NOL3: variants seen among roughly 807,000 people sequenced by gnomAD.
The protein encoded by NOL3 is nucleolar protein 3, also known as muscle-enriched cytoplasmic protein.
NOL3 carries 18 observed loss-of-function variants against 19.2 expected under a neutral mutation model. That is an observed-to-expected ratio of 0.94 (90% CI 0.65 to 1.39). NOL3 has a LOEUF of 1.39. NOL3 is among the 40% of genes most tolerant of loss of function. NOL3 has a pLI of 0.00. For missense variants in NOL3, 290 were observed against 289.5 expected, an observed-to-expected ratio of 1.00 and a Z score of -0.01; for synonymous variants, 127 against 137.3, an observed-to-expected ratio of 0.93 and a Z score of 0.52.
In NOL3 at chr16:67,170,787, A is replaced by G. The variant is rs371054447; in HGVS notation, c.-9+213A>G. Among the ~76,000 whole-genome samples the G allele has an allele frequency of 0.051, 6,888 of 134,606 alleles. 473 individuals are homozygous for G. The highest frequency in any genetic ancestry group is 0.21 in the African/African-American group (6,229 of 29,442). The allele number at this position is 134,606 out of a possible 152,430, so 88.3% of individuals were successfully genotyped here. The stretch of plus-strand genomic sequence containing the variant: ...GGAGGGAGGTAAGGGGCGGGGGGGG[A>G]AAATCCGTGCAGTCGCACATGCGCA... On this transcript the variant is annotated intron_variant, in intron 1 of 3. Transcript: ENST00000268605. This position sits in a 1 kb window ranked among gnomAD's most constrained non-coding sequence, Gnocchi z 5.7.
At position 67,175,355 on chromosome 16, in the gene NOL3, C is replaced by T; in HGVS notation, c.*301C>T. On this transcript the variant is annotated 3_prime_UTR_variant, in exon 4 of 4. Coordinates refer to ENST00000268605, the Ensembl canonical transcript of NOL3. ...AGGCTGCACCCTGGAGATCCCAAAC[C>T]TAGCCCCCTAGTGGGACAAGGACCT... 5 of 1,293,900 alleles carry T rather than the reference C, an allele frequency of 3.9e-6. No individual in the cohort carries two copies. In the South Asian group the frequency reaches 1.2e-4, roughly 32 times the overall value. 80.2% of individuals were successfully genotyped at this position (1,293,900 alleles called of 1,614,324 possible).
chr16:67,174,970 C>T (rs1288948496), intron 3 of NOL3, 26 bp downstream of exon 3: 2 of 1,608,806 alleles, frequency 1.2e-6, no homozygotes, highest in South Asian at 1.1e-5. Flanking sequence ...AACCCTGAGC[C>T]GGCTTGGCGG....
chr16:67,172,667 T>C (rs947316851), intron 1 of NOL3: 6 of 149,110 alleles, frequency 4.0e-5, no homozygotes, highest in Admixed American at 3.3e-4. Flanking sequence ...CCGCTGTTGG[T>C]AGAGATAGTC....
exon 2 of NOL3, chr16:67,174,353 C>T (rs1278707127): frequency 1.0e-5 from 16 of 1,587,332 alleles, no homozygotes; most frequent in African/African-American, 1.3e-5. Flanking sequence ...GCGCCGCCTA[C>T]TGCTGCTGGT....
chr16:67,173,005 C>T (rs1035399000), intron 1 of NOL3: 3 of 138,304 alleles, frequency 2.2e-5, no homozygotes, highest in East Asian at 2.1e-4. Flanking sequence ...AGGCTGGGCA[C>T]GAGAATCACT....
In NOL3 at chr16:67,170,874, G is replaced by T. The variant is rs1039863103; in HGVS notation, c.-9+300G>T. On this transcript the variant is annotated intron_variant, in intron 1 of 3. Transcript: ENST00000268605. The surrounding 1 kb of genome is among the most constrained non-coding windows in gnomAD (Gnocchi z 5.7). ...CCAAAGAGCCCGCGCAGCGAGGTGG[G>T]GTTGGGGGCTGGGACCCAGCTCCGT... is the stretch of plus-strand genomic sequence containing the variant. Among the ~76,000 whole-genome samples the T allele has an allele frequency of 3.9e-5, 6 of 152,232 alleles. No individual in the cohort carries two copies. The highest frequency in any genetic ancestry group is 7.3e-5 in the Non-Finnish European group (5 of 68,044).
At position 67,170,902 on chromosome 16, in the gene NOL3, C is replaced by T. The variant is rs2031711662; in HGVS notation, c.-9+328C>T. ...TGGGGGCTGGGACCCAGCTCCGTGC[C>T]CCGCCACCTGGCTCTCTGGGAAGAA... On this transcript the variant is annotated intron_variant, in intron 1 of 3. Coordinates refer to ENST00000268605, the Ensembl canonical transcript of NOL3. The surrounding 1 kb of genome is among the most constrained non-coding windows in gnomAD (Gnocchi z 5.7). Among the ~76,000 whole-genome samples, 1 of 152,258 alleles carries T rather than the reference C, an allele frequency of 6.6e-6. No individual in the cohort carries two copies. The highest frequency in any genetic ancestry group is 1.5e-5 in the Non-Finnish European group (1 of 68,048).
rs547594151 is a variant in NOL3, at chr16:67,174,242, G to A, written c.73G>A (p.Ala25Thr). The A allele has an allele frequency of 5.0e-5, 81 of 1,612,958 alleles. No individual in the cohort carries two copies. The East Asian group carries it at 1.4e-3, about 28-fold the overall frequency. ...GAAACGCCTGGTCGAGACGCTGCAGGCGGACTCGGGACTGCTGTTGGACGC... is the reference window on the plus strand; with the variant it reads ...GAAACGCCTGGTCGAGACGCTGCAGACGGACTCGGGACTGCTGTTGGACGC... Residue 25 changes from alanine to threonine, a missense_variant, in exon 2 of 4, where the codon GCG (alanine) becomes ACG (threonine). Coordinates refer to ENST00000268605, the Ensembl canonical transcript of NOL3.
chr16:67,171,849 C>G (rs1294624994), intron 1 of NOL3: 1 of 152,300 alleles, frequency 6.6e-6, no homozygotes, highest in African/African-American at 2.4e-5. Flanking sequence ...GGTGGCAAGG[C>G]AGGAGCTGAT....
rs1403244896 is a variant in NOL3 at position 67,170,626 on chromosome 16, T to A, written c.-9+52T>A. 1 of 150,168 alleles carries A rather than the reference T, an allele frequency of 6.7e-6. No homozygotes were observed. Among genetic ancestry groups the A allele is most frequent in the Non-Finnish European group, 1.5e-5 (1 of 67,560 alleles). 9.3% of individuals were successfully genotyped at this position (150,168 alleles called of 1,614,324 possible). ...AGACCGGGAGCCCCACTCCCGGCTGTGGGAGGGAAGGGAAACCGAGATTGG... is the reference window on the plus strand; with the variant it reads ...AGACCGGGAGCCCCACTCCCGGCTGAGGGAGGGAAGGGAAACCGAGATTGG... On this transcript the variant is annotated intron_variant, in intron 1 of 3. Coordinates refer to ENST00000268605, the Ensembl canonical transcript of NOL3. The surrounding 1 kb of genome is among the most constrained non-coding windows in gnomAD (Gnocchi z 5.7).
Position 67,174,685 on chromosome 16 carries a change from G to A in NOL3, c.360G>A (p.Ser120=), listed in dbSNP as rs371108668. The stretch of plus-strand genomic sequence containing the variant: ...ACTGGACGCCGGAGGCACCCGGCTC[G>A]GGGACCACATGCCCCGGGTTGCCCA... The change falls in exon 3 of 4, where the codon TCG becomes TCA. Residue 120 remains serine, a synonymous_variant. Coordinates refer to ENST00000268605, the Ensembl canonical transcript of NOL3. 3.0e-5 allele frequency: 48 copies of A among 1,595,172 alleles called. No homozygotes were observed. Among genetic ancestry groups the A allele is most frequent in the Non-Finnish European group, 3.8e-5 (45 of 1,171,430 alleles).
intron 1 of NOL3, among the ~76,000 whole-genome samples, chr16:67,173,439 G>A (rs1177107539): frequency 5.9e-5 from 9 of 152,188 alleles, no homozygotes; most frequent in Admixed American, 1.3e-4. Flanking sequence ...CACTATGGTG[G>A]TGGTGTTGGT....
exon 2 of NOL3, chr16:67,174,338 A>C: frequency 6.3e-7 from 1 of 1,596,490 alleles, no homozygotes; most frequent in Non-Finnish European, 8.5e-7. Context: ...TGCCGAGCGC[A>C]GGGTGCGCCG....
At chr16:67,173,711 G>A (rs565504594) in intron 1 of NOL3, 8 of 640,124 alleles carry the variant, frequency 1.2e-5, no homozygotes, top group Admixed American at 8.8e-5. Flanking sequence ...GCTGGGTGTG[G>A]AGTATCAGCA....
chr16:67,174,225 T>A, exon 2 of NOL3: 1 of 1,613,056 alleles, frequency 6.2e-7, no homozygotes, highest in Non-Finnish European at 8.5e-7. Context: ...CGGAAACGCC[T>A]GGTCGAGACG....
rs1007071901 is a variant in NOL3 at position 67,170,779 on chromosome 16, G to GC, written c.-9+205_-9+206insC. ...GACTGGGTGGAGGGAGGTAAGGGGC[G>GC]GGGGGGGAAAATCCGTGCAGTCGCA... On this transcript the variant is annotated intron_variant, in intron 1 of 3. Transcript: ENST00000268605. This position sits in a 1 kb window ranked among gnomAD's most constrained non-coding sequence, Gnocchi z 5.7. Among the ~76,000 whole-genome samples the GC allele has an allele frequency of 4.1e-5, 5 of 121,548 alleles. No homozygotes were observed. Among genetic ancestry groups the GC allele is most frequent in the African/African-American group, 2.0e-4 (5 of 24,930 alleles). The allele number at this position is 121,548 out of a possible 152,430, so 79.7% of individuals were successfully genotyped here.
chr16:67,175,025 C>T (rs748923935), intron 3 of NOL3, 22 bp from the exon 4 acceptor site: 2 of 1,613,798 alleles, frequency 1.2e-6, no homozygotes, highest in East Asian at 2.2e-5. Context: ...ACCTCTTTGA[C>T]CACTGTTCCC....
chr16:67,173,845 T>C, intron 1 of NOL3: 9 of 1,531,212 alleles, frequency 5.9e-6, no homozygotes, highest in African/African-American at 1.4e-5. Flanking sequence ...GACGTCCTGG[T>C]TGGGGAGGGC....
intron 1 of NOL3, 155 bp from the exon 2 acceptor site, chr16:67,174,007 G>T (rs1028063976): frequency 6.5e-7 from 1 of 1,543,314 alleles, no homozygotes; most frequent in East Asian, 2.4e-5. Context: ...TTGGCCTCCA[G>T]GTCCTGTGCT....
Sources: gnomAD v4.1 joint callset for allele counts (sites outside exome capture counted in the v4.1 genomes callset) on GRCh38, gnomAD v4.1.1 for gene constraint, Gnocchi (gnomAD v3.1) non-coding constraint, MANE v1.5 for transcripts, NCBI Gene and HGNC (gene_info 2026-07-23, HGNC 2026-07-21) for gene names.